The following HIVEP3 variants were observed in gnomAD, a reference collection of about 807,000 sequenced individuals.
HIVEP3 encodes the protein transcription factor HIVEP3.
In HIVEP3, 49 loss-of-function variants were observed where a neutral mutation model predicts 152.8. The observed-to-expected ratio is 0.32, with a 90% CI of 0.26 to 0.41. The LOEUF (loss-of-function observed/expected upper bound fraction) is 0.41, where lower values mean the gene tolerates loss of function less well. Among genes scored for constraint, HIVEP3 ranks in the 10% least tolerant of loss-of-function variants. The pLI is 1.00. For missense variants in HIVEP3, 2,790 were observed against 3,103.3 expected (o/e 0.90, Z 2.40); for synonymous variants, 1,269 against 1,289.0 (o/e 0.98, Z 0.33).
chr1:41,613,037 G>C (rs1644920093), intron 3 of HIVEP3, among the ~76,000 whole-genome samples: 1 of 152,244 alleles, frequency 6.6e-6, no homozygotes, highest in South Asian at 2.1e-4. Context: ...AAGGGACCTG[G>C]ACAGGGCAGA....
chr1:41,584,369 C>A lies in HIVEP3; in HGVS notation c.429G>T (p.Gln143His), dbSNP rs1000715577. ...TGATGGAAGCGTGGGAAGGAAGGAG[C>A]TGGCTCTGAGGATGGAGCCCAGGGG... ...FVAPGLHPQS[Q>H]LLPSHASIIP... is the part of the protein sequence containing the mutation. Residue 143 changes from glutamine (Q) to histidine (H), a missense_variant, in exon 4 of 9, where the codon CAG (glutamine) becomes CAT (histidine). Coordinates refer to ENST00000372583, the MANE Select transcript of HIVEP3 (RefSeq NM_024503.5). This position sits in a 1 kb window ranked among gnomAD's most constrained non-coding sequence, Gnocchi z 5.2. 2.5e-6 allele frequency: 4 copies of A among 1,613,618 alleles called. No homozygotes were observed. The Admixed American group carries it at 5.0e-5, about 20-fold the overall frequency.
At chr1:41,888,710 AC>A (rs1413290251) in intron 1 of HIVEP3, among the ~76,000 whole-genome samples, 5 of 112,614 alleles carry the variant, frequency 4.4e-5, no homozygotes, top group African/African-American at 1.4e-4. Context: ...TATACCTCAC[AC>A]CCCCCACACA....
At chr1:41,982,070 A>G (rs1474861339) in intron 1 of HIVEP3, among the ~76,000 whole-genome samples, 2 of 152,238 alleles carry the variant, frequency 1.3e-5, no homozygotes, top group Non-Finnish European at 1.5e-5. Context: ...TGTAAAACAT[A>G]CTTCAAAGGA....
chr1:41,809,019 C>T (rs647368), intron 1 of HIVEP3, among the ~76,000 whole-genome samples: 56,189 of 152,150 alleles, frequency 0.37, 11,621 homozygotes, highest in East Asian at 0.8. Context: ...CAGGGTCATA[C>T]AGCTGATGCT....
rs1426416477 is a variant in HIVEP3 at position 41,662,328 on chromosome 1, TGGCGGGCGGGCGCCGGC to T, written c.-720-33398_-720-33382del. On this transcript the variant is annotated intron_variant, in intron 2 of 8. Coordinates refer to ENST00000372583, the MANE Select transcript of HIVEP3 (RefSeq NM_024503.5). This position sits in a 1 kb window ranked among gnomAD's most constrained non-coding sequence, Gnocchi z 7.2. ...GGCGCGGGGTGGGCGCGGGGCGGGC[TGGCGGGCGGGCGCCGGC>T]GGCGGGCGCGGCTCCGGGCCGCCCC... 6.9e-6 allele frequency: 1 copy of T among 144,488 alleles called. No homozygotes were observed. The highest frequency in any genetic ancestry group is 1.5e-5 in the Non-Finnish European group (1 of 65,212). The allele number at this position is 144,488 out of a possible 1,614,324, so 9.0% of individuals were successfully genotyped here.
chr1:41,972,060 A>T (rs570880949), intron 1 of HIVEP3, among the ~76,000 whole-genome samples: 14 of 152,320 alleles, frequency 9.2e-5, no homozygotes, highest in Admixed American at 9.2e-4. Flanking sequence ...AATATTCTTT[A>T]TAAATTACCT....
intron 1 of HIVEP3, among the ~76,000 whole-genome samples, chr1:41,852,290 C>A (rs1230380753): frequency 1.3e-5 from 2 of 152,244 alleles, no homozygotes; most frequent in Non-Finnish European, 2.9e-5. Context: ...CACAGCACAG[C>A]CATGAGCAGG....
intron 5 of HIVEP3, among the ~76,000 whole-genome samples, chr1:41,529,262 ACT>A (rs1292805661): frequency 2.3e-5 from 2 of 88,790 alleles, no homozygotes; most frequent in Non-Finnish European, 4.5e-5. Flanking sequence ...TTACCTTCAC[ACT>A]CACACATGCT....
At chr1:41,521,372 C>A (rs964632174) in intron 6 of HIVEP3, among the ~76,000 whole-genome samples, 1 of 152,192 alleles carries the variant, frequency 6.6e-6, no homozygotes, top group Non-Finnish European at 1.5e-5. Context: ...CACCAGGGAG[C>A]CCCCCATAGG....
intron 2 of HIVEP3, among the ~76,000 whole-genome samples, chr1:41,691,250 T>C (rs370722735): frequency 5.4e-4 from 83 of 152,346 alleles, no homozygotes; most frequent in African/African-American, 1.9e-3. Context: ...TCCTTCTAAA[T>C]TGAAAATAGC....
At chr1:41,693,862 G>C (rs572350172) in intron 2 of HIVEP3, among the ~76,000 whole-genome samples, 1 of 152,126 alleles carries the variant, frequency 6.6e-6, no homozygotes, top group Non-Finnish European at 1.5e-5. Context: ...CAAATAGCTC[G>C]TTGGTTGTCT....
intron 1 of HIVEP3, among the ~76,000 whole-genome samples, chr1:41,713,138 G>T (rs1474927900): frequency 6.6e-6 from 1 of 152,218 alleles, no homozygotes; most frequent in East Asian, 1.9e-4. Flanking sequence ...AGGAGCCTAT[G>T]GCCTGCAGCA....
At chr1:41,593,621 C>T (rs555484138) in intron 3 of HIVEP3, among the ~76,000 whole-genome samples, 135 of 152,366 alleles carry the variant, frequency 8.9e-4, no homozygotes, top group African/African-American at 2.9e-3. Context: ...TTTACACTTC[C>T]GCCAATGGCG....
At chr1:41,866,360 T>C (rs1643972790) in intron 1 of HIVEP3, among the ~76,000 whole-genome samples, 1 of 152,196 alleles carries the variant, frequency 6.6e-6, no homozygotes, top group African/African-American at 2.4e-5. Flanking sequence ...GATTCTCTTC[T>C]CTCTAGCCAG....
At chr1:41,948,532 T>C (rs1645087430) in intron 1 of HIVEP3, among the ~76,000 whole-genome samples, 1 of 103,316 alleles carries the variant, frequency 9.7e-6, no homozygotes, top group Non-Finnish European at 2.2e-5. Flanking sequence ...CAAGCGGATA[T>C]TGAAGCCAAA....
At chr1:41,852,650 T>C (rs1268530679) in intron 1 of HIVEP3, among the ~76,000 whole-genome samples, 2 of 152,236 alleles carry the variant, frequency 1.3e-5, no homozygotes, top group African/African-American at 2.4e-5. Context: ...TCAGTCTTCA[T>C]GGGCTGCACT....
At chr1:41,920,619 C>T (rs12094473), upstream of HIVEP3, among the ~76,000 whole-genome samples, 3,940 of 147,944 alleles carry the variant, frequency 0.027, 188 homozygotes, top group African/African-American at 0.095. Context: ...GGAGAGTTTA[C>T]TAGATGCTGC....
At chr1:41,525,936 G>A (rs1240230391) in intron 5 of HIVEP3, among the ~76,000 whole-genome samples, 1 of 152,078 alleles carries the variant, frequency 6.6e-6, no homozygotes, top group Non-Finnish European at 1.5e-5. Flanking sequence ...CCACTGGCAC[G>A]GCACGTGGAG....
intron 2 of HIVEP3, among the ~76,000 whole-genome samples, chr1:41,657,892 C>A (rs1164643980): frequency 6.6e-6 from 1 of 152,174 alleles, no homozygotes; most frequent in Non-Finnish European, 1.5e-5. Context: ...AGATGGAAGG[C>A]CTGCCTGACT....
Sources: allele counts gnomAD v4.1 joint callset (sites outside exome capture counted in the v4.1 genomes callset), GRCh38; gene constraint gnomAD v4.1.1; non-coding constraint Gnocchi (gnomAD v3.1); transcripts MANE v1.5; gene names NCBI Gene and HGNC (gene_info 2026-07-23, HGNC 2026-07-21).